Variants in DMP1 observed in about 807,000 individuals in gnomAD.
DMP1 encodes dentin matrix acidic phosphoprotein 1, also known as dentin matrix protein 1.
DMP1 carries 20 observed loss-of-function variants against 14.6 expected under a neutral mutation model. The observed-to-expected ratio is 1.37, with a 90% CI of 0.96 to 1.99. The LOEUF is 1.99. Among genes scored for constraint, DMP1 ranks in the 30% most tolerant of loss-of-function variants. DMP1 has a pLI of 0.00. For missense variants in DMP1, 567 were observed against 620.5 expected (o/e 0.91, Z 0.92); for synonymous variants, 197 against 215.3 (o/e 0.91, Z 0.75).
intron 5 of DMP1, chr4:87,660,865 T>G (rs894869723): frequency 2.0e-5 from 3 of 152,198 alleles, no homozygotes; most frequent in Non-Finnish European, 2.9e-5. Flanking sequence ...TCATTTTAGC[T>G]AAAGATTTTA....
chr4:87,663,010 G>T lies in DMP1; in HGVS notation c.1232G>T (p.Ser411Ile). The part of the protein sequence containing the change: ...EEQADSESSE[S>I]LNFSEESPES... ...CAAGCAGACAGCGAATCCAGTGAGA[G>T]CCTCAACTTCTCAGAGGAAAGCCCG... is the stretch of plus-strand genomic sequence containing the variant. The change falls in exon 6 of 6, where the codon AGC becomes ATC. Residue 411 changes from serine to isoleucine, a missense_variant. By Grantham distance (142) the Ser-to-Ile change is moderately radical. Transcript: ENST00000339673. The T allele has an allele frequency of 6.2e-7, 1 of 1,614,174 alleles. No individual in the cohort carries two copies. Among genetic ancestry groups the T allele is most frequent in the Non-Finnish European group, 8.5e-7 (1 of 1,180,018 alleles).
At chr4:87,656,746 A>G (rs1173310846) in intron 2 of DMP1, among the ~76,000 whole-genome samples, 200 bp downstream of exon 2, 1 of 152,218 alleles carries the variant, frequency 6.6e-6, no homozygotes, top group Non-Finnish European at 1.5e-5. Context: ...TATCATTCAT[A>G]CTTTTCTTCC....
Position 87,662,942 on chromosome 4 carries a change from C to G in DMP1, c.1164C>G (p.Ser388Arg). 2 of 1,614,142 alleles carry G rather than the reference C, an allele frequency of 1.2e-6. No homozygotes were observed. Among genetic ancestry groups the G allele is most frequent in the Non-Finnish European group, 1.7e-6 (2 of 1,180,024 alleles). Residue 388 changes from serine to arginine, a missense_variant, in exon 6 of 6, where the codon AGC becomes AGG. By Grantham distance (110) the Ser-to-Arg change is moderately radical. Transcript: ENST00000339673. ...QEDSDSSEED[S>R]SHTLSHSKSE... is the part of the protein sequence containing the mutation. Reference sequence around the variant, plus strand: ...ACAGTGACTCCAGCGAGGAGGACAGCTCGCACACACTCTCCCACTCAAAAA... The same window carrying G: ...ACAGTGACTCCAGCGAGGAGGACAGGTCGCACACACTCTCCCACTCAAAAA...
rs1560489265 is a variant in DMP1, at chr4:87,653,407, A to ATATATATATATATATAT, written c.-22+3024_-22+3040dup. Among the ~76,000 whole-genome samples the ATATATATATATATATAT allele has an allele frequency of 1.1e-3, 113 of 104,154 alleles. 4 individuals carry two copies. Among genetic ancestry groups the ATATATATATATATATAT allele is most frequent in the Non-Finnish European group, 1.8e-3 (93 of 50,392 alleles). 68.3% of individuals were successfully genotyped at this position (104,154 alleles called of 152,430 possible). A position where few individuals can be genotyped will look rare whatever the true frequency, so the allele number is the denominator to read the frequency against. On this transcript the variant is annotated intron_variant, in intron 1 of 5. Coordinates refer to ENST00000339673, the MANE Select transcript of DMP1 (RefSeq NM_004407.4). ...GAGTGATATATATATATATATATAT[A>ATATATATATATATATAT]TATATATATATATATATATATATAT...
chr4:87,664,096 A>G lies in DMP1; in HGVS notation c.*776A>G, dbSNP rs1729018309. 2.0e-5 allele frequency: 3 copies of G among 152,054 alleles called. No homozygotes were observed. Among genetic ancestry groups the G allele is most frequent in the African/African-American group, 4.8e-5 (2 of 41,378 alleles). The allele number at this position is 152,054 out of a possible 1,614,324, so 9.4% of individuals were successfully genotyped here. On this transcript the variant is annotated 3_prime_UTR_variant, in exon 6 of 6. Transcript: ENST00000339673. ...TTTTTTTTGTAGAACTCCCATAAAC[A>G]TCACCTTACTAATCACTGGTGATGA...
chr4:87,656,157 T>G (rs1447333875), intron 1 of DMP1, among the ~76,000 whole-genome samples: 1 of 152,198 alleles, frequency 6.6e-6, no homozygotes, highest in Non-Finnish European at 1.5e-5. Flanking sequence ...CAACCACTAG[T>G]CTACTTTTTG....
At position 87,657,056 on chromosome 4, in the gene DMP1, T is replaced by A; in HGVS notation, c.79T>A (p.Ser27Thr). The A allele has an allele frequency of 6.4e-7, 1 of 1,557,748 alleles. No homozygotes were observed. The highest frequency in any genetic ancestry group is 8.9e-7 in the Non-Finnish European group (1 of 1,129,192). Residue 27 changes from serine (S) to threonine (T), a missense_variant, in exon 3 of 6, where the codon TCT (serine) becomes ACT (threonine). By Grantham distance (58) the Ser-to-Thr change is moderately conservative. Transcript: ENST00000339673. ...LPVTRYQNNE[S>T]EDSEEWKGHL... ...GGTAACCAGGTATCAAAATAATGAA[T>A]CTGAGGATTCTGAAGAATGGAAGGT...
intron 1 of DMP1, among the ~76,000 whole-genome samples, chr4:87,653,409 ATATATATATATATATATAT>A (rs2110010142): frequency 8.8e-6 from 1 of 113,606 alleles, no homozygotes; most frequent in African/African-American, 3.8e-5. Context: ...ATATATATAT[ATATATATATATATATATAT>A]ATATACTTTT....
Position 87,662,384 on chromosome 4 carries a change from C to T in DMP1, c.606C>T (p.Ser202=). 7.4e-6 allele frequency: 12 copies of T among 1,614,106 alleles called. No individual in the cohort carries two copies. The highest frequency in any genetic ancestry group is 1.0e-5 in the Non-Finnish European group (12 of 1,180,024). Reference sequence around the variant, plus strand: ...TGGGAGGTGGCAGTGATGGGGAGAGCAGCCATGGAGACGGCTCCGAGTTGG... The same window carrying T: ...TGGGAGGTGGCAGTGATGGGGAGAGTAGCCATGGAGACGGCTCCGAGTTGG... ...HWVGGGSDGE[S]SHGDGSELDD... is the part of the protein sequence containing the mutation. Residue 202 remains serine, a synonymous_variant, in exon 6 of 6, where the codon AGC becomes AGT. Coordinates refer to ENST00000339673, the MANE Select transcript of DMP1 (RefSeq NM_004407.4).
At chr4:87,659,778 T>C (rs1342618771) in intron 5 of DMP1, among the ~76,000 whole-genome samples, 1 of 152,200 alleles carries the variant, frequency 6.6e-6, no homozygotes, top group Admixed American at 6.5e-5. Flanking sequence ...CAAATGGTCA[T>C]TGACCATGTC....
At position 87,656,559 on chromosome 4, in the gene DMP1, G is replaced by T; in HGVS notation, c.54+13G>T. 1 of 1,582,418 alleles carries T rather than the reference G, an allele frequency of 6.3e-7. No individual in the cohort carries two copies. On this transcript the variant is annotated intron_variant, in intron 2 of 5. Transcript: ENST00000339673. ...CTGTGCTCTCCCAGTAAGTATTAGG[G>T]TAGGGATATATGAAAAAACCCTTTC...
At chr4:87,661,254 G>A (rs867941912) in intron 5 of DMP1, among the ~76,000 whole-genome samples, 1 of 118,746 alleles carries the variant, frequency 8.4e-6, no homozygotes, top group Middle Eastern at 9.4e-3. Context: ...ACGGAGTCTC[G>A]CTGTCGCCCA....
intron 3 of DMP1, among the ~76,000 whole-genome samples, chr4:87,658,161 C>T (rs1728753045): frequency 1.3e-5 from 2 of 152,220 alleles, no homozygotes; most frequent in South Asian, 2.1e-4. Flanking sequence ...TTGACTGGAG[C>T]ACAGCCTGCC....
At chr4:87,661,370 C>T (rs1208243519) in intron 5 of DMP1, among the ~76,000 whole-genome samples, 1 of 151,862 alleles carries the variant, frequency 6.6e-6, no homozygotes, top group Non-Finnish European at 1.5e-5. Context: ...TACAGGCGCC[C>T]GCCACCTCGC....
rs1728775455 is a variant in DMP1 at position 87,658,903 on chromosome 4, T to G, written c.103-317T>G. On this transcript the variant is annotated intron_variant, in intron 3 of 5. Transcript: ENST00000339673. ...CTTAAATCTGGATTCTGAGTTTCAA[T>G]GCTGCTTTTCCTGTGTTACGTTTCC... 7 of 346,270 alleles carry G rather than the reference T, an allele frequency of 2.0e-5. No homozygotes were observed. The South Asian group carries it at 2.2e-4, about 11-fold the overall frequency. 21.4% of individuals were successfully genotyped at this position (346,270 alleles called of 1,614,324 possible).
chr4:87,663,896 G>A lies in DMP1; in HGVS notation c.*576G>A, dbSNP rs966321287. On this transcript the variant is annotated 3_prime_UTR_variant, in exon 6 of 6. Coordinates refer to ENST00000339673, the MANE Select transcript of DMP1 (RefSeq NM_004407.4). The stretch of plus-strand genomic sequence containing the variant: ...TAGCAGAAGACATTGGAGTTGGAAG[G>A]TTGCATAGGGTTTCCTCATTGGAGA... 3.8e-5 allele frequency: 6 copies of A among 157,718 alleles called. No homozygotes were observed. The highest frequency in any genetic ancestry group is 1.4e-4 in the African/African-American group (6 of 41,482). 9.8% of individuals were successfully genotyped at this position (157,718 alleles called of 1,614,324 possible). A position where few individuals can be genotyped will look rare whatever the true frequency, so the allele number is the denominator to read the frequency against.
At chr4:87,658,755 A>G (rs1187384574) in intron 3 of DMP1, 1 of 187,014 alleles carries the variant, frequency 5.3e-6, no homozygotes, top group East Asian at 1.5e-4. Flanking sequence ...ACCTTCACCT[A>G]GAGTAACCAA....
chr4:87,657,044 C>T lies in DMP1; in HGVS notation c.67C>T (p.Gln23Ter), dbSNP rs1231464837. The T allele has an allele frequency of 6.4e-7, 1 of 1,555,542 alleles. No individual in the cohort carries two copies. The highest frequency in any genetic ancestry group is 1.7e-5 in the Admixed American group (1 of 59,916). ...CTAAATTTTCTAGGTAACCAGGTATCAAAATAATGAATCTGAGGATTCTGA... is the reference window on the plus strand; with the variant it reads ...CTAAATTTTCTAGGTAACCAGGTATTAAAATAATGAATCTGAGGATTCTGA... ...LSCALPVTRY[Q>*]NNESEDSEEW... The change falls in exon 3 of 6, where the codon CAA becomes TAA. Residue 23 changes from glutamine (Q) to a stop codon, truncating the protein, a stop_gained. Coordinates refer to ENST00000339673, the MANE Select transcript of DMP1 (RefSeq NM_004407.4). LOFTEE classifies it high-confidence loss of function.
chr4:87,658,504 A>G (rs1728763808), intron 3 of DMP1, among the ~76,000 whole-genome samples: 1 of 152,226 alleles, frequency 6.6e-6, no homozygotes, highest in African/African-American at 2.4e-5. Flanking sequence ...ACATGACTCG[A>G]GAAGGGTTTC....
Sources: gnomAD v4.1 joint callset for allele counts (sites outside exome capture counted in the v4.1 genomes callset) on GRCh38, gnomAD v4.1.1 for gene constraint, MANE v1.5 for transcripts, NCBI Gene and HGNC (gene_info 2026-07-23, HGNC 2026-07-21) for gene names.